GARRE1: variants seen among roughly 807,000 people sequenced by gnomAD.
GARRE1 encodes the protein granule associated Rac and RHOG effector 1.
Under a neutral mutation model 103.2 loss-of-function variants are expected in GARRE1, and 49 were observed. That is an observed-to-expected ratio of 0.47 (90% CI 0.38 to 0.60). The LOEUF (loss-of-function observed/expected upper bound fraction) is 0.60. Ranked by LOEUF, GARRE1 falls within the 20% of genes least tolerant of loss-of-function variation. The pLI, the probability that GARRE1 is intolerant of heterozygous loss-of-function variation, is 0.00. For synonymous variants in GARRE1, 505 were observed against 532.8 expected (o/e 0.95, Z 0.72); for missense variants, 1,199 against 1,370.5 (o/e 0.87, Z 1.98).
chr19:34,321,351 C>T (rs1389716401), intron 3 of GARRE1, among the ~76,000 whole-genome samples: 1 of 149,396 alleles, frequency 6.7e-6, no homozygotes, highest in African/African-American at 2.5e-5. Flanking sequence ...GCTGGGATTA[C>T]AGATTTGGAC....
intron 1 of GARRE1, among the ~76,000 whole-genome samples, chr19:34,294,032 G>C (rs1449082423): frequency 6.6e-6 from 1 of 151,868 alleles, no homozygotes; most frequent in Non-Finnish European, 1.5e-5. Flanking sequence ...AAAGTGCTGG[G>C]ATTACAGGTG....
intron 1 of GARRE1, among the ~76,000 whole-genome samples, chr19:34,289,562 A>C (rs1203862717): frequency 6.6e-6 from 1 of 151,994 alleles, no homozygotes; most frequent in Non-Finnish European, 1.5e-5. Flanking sequence ...CGTCTCCACT[A>C]AATATACAAA....
At chr19:34,270,359 GT>G (rs2073779597) in intron 1 of GARRE1, among the ~76,000 whole-genome samples, 1 of 152,226 alleles carries the variant, frequency 6.6e-6, no homozygotes, top group African/African-American at 2.4e-5. Context: ...AGGGGTTGCT[GT>G]TTAGTTGGAG....
At chr19:34,339,667 A>G (rs2074176943) in intron 8 of GARRE1, among the ~76,000 whole-genome samples, 200 bp from the exon 9 acceptor site, 1 of 152,232 alleles carries the variant, frequency 6.6e-6, no homozygotes, top group Non-Finnish European at 1.5e-5. Context: ...ATGAGACCTC[A>G]GACCTTTTTG....
At chr19:34,328,643 G>A (rs1188246226) in intron 6 of GARRE1, among the ~76,000 whole-genome samples, 1 of 151,646 alleles carries the variant, frequency 6.6e-6, no homozygotes, top group Non-Finnish European at 1.5e-5. Flanking sequence ...TTACTCTCTC[G>A]TCCAGGCTAG....
intron 2 of GARRE1, among the ~76,000 whole-genome samples, chr19:34,314,926 G>T (rs1306861930): frequency 6.6e-6 from 1 of 152,142 alleles, no homozygotes; most frequent in Non-Finnish European, 1.5e-5. Flanking sequence ...ATTATGTAAT[G>T]ACTCGAATGA....
rs1351668852 is a variant in GARRE1 at position 34,352,993 on chromosome 19, C to T, written c.*38C>T. ...CAGCCTGCCTGCCTGCCTGCCTGCCCGCCCAGAGCTGTGGGGATGAGTGTC... is the reference window on the plus strand; with the variant it reads ...CAGCCTGCCTGCCTGCCTGCCTGCCTGCCCAGAGCTGTGGGGATGAGTGTC... On this transcript the variant is annotated 3_prime_UTR_variant, in exon 14 of 14. Transcript: ENST00000299505. 3 of 1,451,680 alleles carry T rather than the reference C, an allele frequency of 2.1e-6. No individual in the cohort carries two copies. The highest frequency in any genetic ancestry group is 2.5e-4 in the Middle Eastern group (1 of 4,018). 89.9% of individuals were successfully genotyped at this position (1,451,680 alleles called of 1,614,324 possible). A position where few individuals can be genotyped will look rare whatever the true frequency, so the allele number is the denominator to read the frequency against.
At chr19:34,282,016 CTGTG>C (rs1409112446) in intron 1 of GARRE1, among the ~76,000 whole-genome samples, 4 of 152,090 alleles carry the variant, frequency 2.6e-5, no homozygotes, top group Non-Finnish European at 5.9e-5. Flanking sequence ...GCGTGTGTGT[CTGTG>C]TGTTTCTGTA....
chr19:34,307,908 C>T (rs1333268943), intron 2 of GARRE1, among the ~76,000 whole-genome samples: 2 of 149,940 alleles, frequency 1.3e-5, no homozygotes, highest in African/African-American at 2.5e-5. Flanking sequence ...CAGCTTCCCG[C>T]GTATCTGAGA....
At chr19:34,259,056 T>C (rs2073695961) in intron 1 of GARRE1, among the ~76,000 whole-genome samples, 1 of 152,042 alleles carries the variant, frequency 6.6e-6, no homozygotes, top group South Asian at 2.1e-4. Context: ...TAATTCCAGC[T>C]ACTTGGGAGG....
At chr19:34,282,698 C>G (rs1036313753) in intron 1 of GARRE1, among the ~76,000 whole-genome samples, 1 of 152,032 alleles carries the variant, frequency 6.6e-6, no homozygotes, top group Non-Finnish European at 1.5e-5. Flanking sequence ...GTCCTCTTGC[C>G]TTAGTGAGAG....
At chr19:34,317,701 G>A (rs149470518) in intron 2 of GARRE1, among the ~76,000 whole-genome samples, 4 of 152,330 alleles carry the variant, frequency 2.6e-5, no homozygotes, top group East Asian at 3.9e-4. Flanking sequence ...ATTGTGTCCC[G>A]TTGACAAAAT....
chr19:34,295,679 A>G (rs1388567964), intron 1 of GARRE1, among the ~76,000 whole-genome samples: 1 of 151,346 alleles, frequency 6.6e-6, no homozygotes, highest in Admixed American at 6.6e-5. Flanking sequence ...ACAGGTGCAC[A>G]CCACCATGAC....
intron 8 of GARRE1, among the ~76,000 whole-genome samples, chr19:34,336,281 G>C (rs2074160812): frequency 6.6e-6 from 1 of 152,104 alleles, no homozygotes; most frequent in Non-Finnish European, 1.5e-5. Flanking sequence ...GTGAGCTACT[G>C]TACCTGGCCC....
intron 10 of GARRE1, among the ~76,000 whole-genome samples, chr19:34,343,755 G>A (rs2074197853): frequency 6.6e-6 from 1 of 151,614 alleles, no homozygotes; most frequent in Non-Finnish European, 1.5e-5. Flanking sequence ...GCTGAGGTGG[G>A]AAGATCGCTT....
At chr19:34,327,154 C>CAAAATAAAAT (rs60648933) in intron 3 of GARRE1, among the ~76,000 whole-genome samples, 7,651 of 148,630 alleles carry the variant, frequency 0.051, 264 homozygotes, top group Admixed American at 0.1. Context: ...GACCTTGTCT[C>CAAAATAAAAT]AAAATAAAAT....
intron 7 of GARRE1, among the ~76,000 whole-genome samples, chr19:34,331,991 TA>T (rs77839977): frequency 5.5e-3 from 745 of 135,566 alleles, no homozygotes; most frequent in Non-Finnish European, 6.0e-3. Context: ...ATCCAGTCTT[TA>T]AAAAAAAAAA....
At chr19:34,309,953 G>A (rs925935513) in intron 2 of GARRE1, among the ~76,000 whole-genome samples, 4 of 152,186 alleles carry the variant, frequency 2.6e-5, no homozygotes, top group Non-Finnish European at 5.9e-5. Context: ...TGGGAACAGA[G>A]AAAAGACCGT....
intron 1 of GARRE1, among the ~76,000 whole-genome samples, chr19:34,290,499 T>TC (rs1491451771): frequency 1.3e-5 from 2 of 151,100 alleles, no homozygotes; most frequent in East Asian, 1.9e-4. Flanking sequence ...AGCCTTTTTT[T>TC]CTCTCTCTCT....
Sources: gnomAD v4.1 joint callset for allele counts (sites outside exome capture counted in the v4.1 genomes callset) on GRCh38, gnomAD v4.1.1 for gene constraint, MANE v1.5 for transcripts, NCBI Gene and HGNC (gene_info 2026-07-23, HGNC 2026-07-21) for gene names.